GRIK4: variants seen among roughly 807,000 people sequenced by gnomAD.
GRIK4 encodes glutamate ionotropic receptor kainate type subunit 4.
GRIK4 carries 40 observed loss-of-function variants against 104.9 expected under a neutral mutation model. The observed-to-expected ratio is 0.38, with a 90% confidence interval of 0.30 to 0.50. The LOEUF (loss-of-function observed/expected upper bound fraction) is 0.50. Ranked by LOEUF, GRIK4 falls within the 20% of genes least tolerant of loss-of-function variation. The probability of loss-of-function intolerance (pLI) is 0.93; values close to 1 mark genes in which losing one functional copy is unlikely to be tolerated. For synonymous variants in GRIK4, 485 were observed against 524.9 expected, an observed-to-expected ratio of 0.92 and a Z score of 1.04; for missense variants, 1,047 against 1,308.1, an observed-to-expected ratio of 0.80 and a Z score of 3.08.
intron 1 of GRIK4, among the ~76,000 whole-genome samples, chr11:120,520,474 G>A (rs1307089290): frequency 6.6e-6 from 1 of 152,212 alleles, no homozygotes; most frequent in Non-Finnish European, 1.5e-5. Context: ...GGCCATCCAG[G>A]GAAGGGCCCG....
At chr11:120,931,137 CA>C (rs1943473230) in intron 13 of GRIK4, among the ~76,000 whole-genome samples, 2 of 152,320 alleles carry the variant, frequency 1.3e-5, no homozygotes, top group South Asian at 4.1e-4. Flanking sequence ...TCTAAGGTCA[CA>C]CTGTTAGTAA....
intron 8 of GRIK4, among the ~76,000 whole-genome samples, chr11:120,855,520 C>G (rs1279319807): frequency 2.0e-5 from 3 of 151,186 alleles, no homozygotes; most frequent in Non-Finnish European, 4.4e-5. Flanking sequence ...AGGCTTCTCT[C>G]TCAACACAAA....
rs1292560448 is a variant in GRIK4 at position 120,646,570 on chromosome 11, T to G, written c.-158-7115T>G. On this transcript the variant is annotated intron_variant, in intron 1 of 20. Coordinates refer to ENST00000527524, the MANE Select transcript of GRIK4 (RefSeq NM_014619.5). ...AGTCACTGAGTAGGGGAAAGATGAATAGGATTAAAACATCCTCTGTAGGTT... is the reference window on the plus strand; with the variant it reads ...AGTCACTGAGTAGGGGAAAGATGAAGAGGATTAAAACATCCTCTGTAGGTT... Among the ~76,000 whole-genome samples the G allele has an allele frequency of 2.0e-5, 3 of 152,218 alleles. No individual in the cohort carries two copies. The East Asian group carries it at 5.8e-4, about 29-fold the overall frequency.
chr11:120,647,652 G>C (rs1032886217), intron 1 of GRIK4, among the ~76,000 whole-genome samples: 1 of 152,268 alleles, frequency 6.6e-6, no homozygotes, highest in African/African-American at 2.4e-5. Context: ...GGGGCTCAGT[G>C]TGTGGCCCAC....
chr11:120,758,809 A>G (rs528067677), intron 3 of GRIK4, among the ~76,000 whole-genome samples: 1 of 152,288 alleles, frequency 6.6e-6, no homozygotes, highest in Non-Finnish European at 1.5e-5. Context: ...TGTCTTATCT[A>G]CCAACTTCTC....
chr11:120,925,138 A>G (rs1405864433), intron 13 of GRIK4, among the ~76,000 whole-genome samples: 2 of 152,196 alleles, frequency 1.3e-5, no homozygotes, highest in Non-Finnish European at 2.9e-5. Context: ...GAAGGAGCAC[A>G]GGGAAGGCCT....
chr11:120,798,662 AG>A (rs1952567509), intron 3 of GRIK4, among the ~76,000 whole-genome samples: 1 of 152,102 alleles, frequency 6.6e-6, no homozygotes, highest in East Asian at 1.9e-4. Context: ...TTGTATTTTT[AG>A]TAGAGACAGG....
intron 1 of GRIK4, among the ~76,000 whole-genome samples, chr11:120,606,128 T>G (rs370384519): frequency 2.0e-5 from 3 of 152,242 alleles, no homozygotes; most frequent in African/African-American, 7.2e-5. Context: ...CATAAAATAT[T>G]AAATACGTCC....
intron 9 of GRIK4, among the ~76,000 whole-genome samples, chr11:120,867,078 A>G (rs544540657): frequency 1.3e-5 from 2 of 152,000 alleles, no homozygotes; most frequent in African/African-American, 2.4e-5. Context: ...TAGAACGTAC[A>G]TCTGTCTCCC....
chr11:120,917,258 A>AC (rs1943125444), intron 13 of GRIK4, among the ~76,000 whole-genome samples: 1 of 147,932 alleles, frequency 6.8e-6, no homozygotes, highest in South Asian at 2.1e-4. Flanking sequence ...AAAAAAAAAA[A>AC]AAAAAAAAAA....
intron 1 of GRIK4, among the ~76,000 whole-genome samples, chr11:120,649,058 G>T (rs1949580918): frequency 6.6e-6 from 1 of 152,178 alleles, no homozygotes; most frequent in Non-Finnish European, 1.5e-5. Flanking sequence ...TGGAAGGGGA[G>T]GGGTGGCATG....
rs538015886 is a variant in GRIK4, at chr11:120,804,401, AAAGTT to A, written c.247+1548_247+1552del. 4.6e-5 allele frequency among the ~76,000 whole-genome samples: 7 copies of A among 152,296 alleles called. No homozygotes were observed. The South Asian group carries it at 1.5e-3, about 32-fold the overall frequency. On this transcript the variant is annotated intron_variant, in intron 4 of 20. Transcript: ENST00000527524. ...CATGTGGGGTGTCGTGACATCCAGA[AAAGTT>A]AAGAAGCGATGCAGGCAGTGGCTCT...
chr11:120,816,639 C>T (rs1952967935), intron 5 of GRIK4, among the ~76,000 whole-genome samples: 1 of 152,138 alleles, frequency 6.6e-6, no homozygotes, highest in Non-Finnish European at 1.5e-5. Context: ...CCCTCTGATG[C>T]CACCACTGTC....
intron 1 of GRIK4, among the ~76,000 whole-genome samples, chr11:120,521,416 T>C (rs1198698356): frequency 6.6e-6 from 1 of 152,178 alleles, no homozygotes; most frequent in Non-Finnish European, 1.5e-5. Flanking sequence ...AACGGCTTAT[T>C]ATGTTCTTGG....
chr11:120,824,387 C>A (rs1342720569), intron 6 of GRIK4, among the ~76,000 whole-genome samples: 1 of 152,176 alleles, frequency 6.6e-6, no homozygotes, highest in Non-Finnish European at 1.5e-5. Context: ...GGGCTCACCA[C>A]TGTGGGTGCC....
chr11:120,520,673 G>A (rs1947786166), intron 1 of GRIK4, among the ~76,000 whole-genome samples: 1 of 152,224 alleles, frequency 6.6e-6, no homozygotes, highest in Non-Finnish European at 1.5e-5. Context: ...CTGGCTGGCT[G>A]GCCTGGCTGC....
At chr11:120,550,187 G>GGTGT (rs1302028865) in intron 1 of GRIK4, among the ~76,000 whole-genome samples, 1 of 152,040 alleles carries the variant, frequency 6.6e-6, no homozygotes, top group Non-Finnish European at 1.5e-5. Context: ...AGGGGTGGTG[G>GGTGT]CAGAGCAGAC....
intron 1 of GRIK4, among the ~76,000 whole-genome samples, chr11:120,536,910 G>A (rs1399288928): frequency 6.6e-6 from 1 of 152,234 alleles, no homozygotes; most frequent in African/African-American, 2.4e-5. Context: ...AGCTCTGCCC[G>A]GCCCAGACGC....
At chr11:120,546,749 C>T (rs1034047626) in intron 1 of GRIK4, among the ~76,000 whole-genome samples, 1 of 152,202 alleles carries the variant, frequency 6.6e-6, no homozygotes, top group Non-Finnish European at 1.5e-5. Context: ...TCCTGAGTCA[C>T]ACATGCTCCG....
Sources: allele counts gnomAD v4.1 joint callset (sites outside exome capture counted in the v4.1 genomes callset), GRCh38; gene constraint gnomAD v4.1.1; transcripts MANE v1.5; gene names NCBI Gene and HGNC (gene_info 2026-07-23, HGNC 2026-07-21).